MSI2: variants seen among roughly 807,000 people sequenced by gnomAD.
MSI2 encodes musashi RNA binding protein 2, also known as RNA-binding protein Musashi homolog 2.
Under a neutral mutation model 45.6 loss-of-function variants are expected in MSI2, and 17 were observed. The observed-to-expected ratio is 0.37, with a 90% CI of 0.26 to 0.56. The LOEUF (loss-of-function observed/expected upper bound fraction) is 0.56, where lower values mean the gene tolerates loss of function less well. Ranked by LOEUF, MSI2 falls within the 20% of genes least tolerant of loss-of-function variation. MSI2 has a pLI of 0.77. For missense variants in MSI2, 293 were observed against 444.2 expected (o/e 0.66, Z 3.06); for synonymous variants, 156 against 158.2 (o/e 0.99, Z 0.11).
chr17:57,317,152 A>C (rs1469430596), intron 5 of MSI2, among the ~76,000 whole-genome samples: 2 of 152,090 alleles, frequency 1.3e-5, no homozygotes, highest in African/African-American at 4.8e-5. Context: ...ATAGGTTGGA[A>C]GAAGCTTGAC....
At chr17:57,389,114 G>A (rs902182876) in intron 5 of MSI2, among the ~76,000 whole-genome samples, 1 of 150,750 alleles carries the variant, frequency 6.6e-6, no homozygotes, top group Non-Finnish European at 1.5e-5. Context: ...AAGTAGCTGG[G>A]ACCACGGGCA....
chr17:57,374,677 G>A (rs937379462), intron 5 of MSI2, among the ~76,000 whole-genome samples: 6 of 152,152 alleles, frequency 3.9e-5, no homozygotes, highest in African/African-American at 1.4e-4. Flanking sequence ...TACTCGGGAG[G>A]TTGAGGCAGG....
At chr17:57,319,895 C>T (rs1165885210) in intron 5 of MSI2, among the ~76,000 whole-genome samples, 1 of 152,198 alleles carries the variant, frequency 6.6e-6, no homozygotes, top group Non-Finnish European at 1.5e-5. Flanking sequence ...GTTATAGGCA[C>T]GAGCTACTGT....
intron 5 of MSI2, among the ~76,000 whole-genome samples, chr17:57,350,192 C>T (rs1915904054): frequency 6.6e-6 from 1 of 150,688 alleles, no homozygotes; most frequent in Non-Finnish European, 1.5e-5. Context: ...TGTTAATGCT[C>T]CAAAGCCTAT....
the MSI2 span, among the ~76,000 whole-genome samples, chr17:57,691,711 C>T: frequency 6.6e-6 from 1 of 152,024 alleles, no homozygotes; most frequent in Admixed American, 6.6e-5. Context: ...TGTTAAACTC[C>T]CTTATTAATT....
intron 6 of MSI2, among the ~76,000 whole-genome samples, chr17:57,525,525 C>T (rs1485150498): frequency 1.3e-5 from 2 of 152,114 alleles, no homozygotes; most frequent in African/African-American, 4.8e-5. Flanking sequence ...TGGCCTCAAG[C>T]GATTTTCCCA....
chr17:57,507,933 G>A (rs183634370), intron 6 of MSI2, among the ~76,000 whole-genome samples: 2 of 152,196 alleles, frequency 1.3e-5, no homozygotes, highest in Non-Finnish European at 2.9e-5. Flanking sequence ...GGTGTGAGCC[G>A]CCATGCCTGG....
chr17:57,621,201 T>G (rs1411278626), intron 9 of MSI2, among the ~76,000 whole-genome samples: 3 of 152,198 alleles, frequency 2.0e-5, no homozygotes, highest in Admixed American at 1.3e-4. Context: ...GGTCACCATC[T>G]CCACCGAGCA....
At chr17:57,631,966 T>C (rs1909416410) in intron 10 of MSI2, 1 of 1,451,784 alleles carries the variant, frequency 6.9e-7, no homozygotes, top group Non-Finnish European at 9.0e-7. Flanking sequence ...GAATGACTGT[T>C]CTTTTTCTCA....
intron 6 of MSI2, among the ~76,000 whole-genome samples, chr17:57,468,276 C>T (rs1306354503): frequency 1.3e-5 from 2 of 151,416 alleles, no homozygotes; most frequent in Non-Finnish European, 2.9e-5. Flanking sequence ...CCTGTAATCC[C>T]AGCACTTTGG....
At chr17:57,590,361 G>A (rs17761980) in intron 7 of MSI2, among the ~76,000 whole-genome samples, 60,432 of 152,056 alleles carry the variant, frequency 0.4, 12,215 homozygotes, top group Admixed American at 0.44. Context: ...CAGTGACTGC[G>A]TTTGGAGCAG....
chr17:57,666,246 T>G (rs751031362), intron 11 of MSI2, among the ~76,000 whole-genome samples: 1 of 152,232 alleles, frequency 6.6e-6, no homozygotes, highest in African/African-American at 2.4e-5. Flanking sequence ...CCAGATTTGG[T>G]CCTGTCTGAG....
At chr17:57,379,480 T>TC (rs2083560361) in intron 5 of MSI2, among the ~76,000 whole-genome samples, 1 of 151,096 alleles carries the variant, frequency 6.6e-6, no homozygotes, top group South Asian at 2.1e-4. Flanking sequence ...TTTTCTTTCT[T>TC]CTTTTTTTTT....
rs1390627539 is a variant in MSI2 at position 57,675,140 on chromosome 17, T to C, written c.945+14T>C. The C allele has an allele frequency of 6.2e-7, 1 of 1,607,692 alleles. No homozygotes were observed. On this transcript the variant is annotated intron_variant, in intron 12 of 13. Transcript: ENST00000284073. ...CACGGCATAGCTGTAAGTACCTGCC[T>C]TCCCCTGCCCTCCTGCCTCCTCCTT...
At chr17:57,420,225 G>A (rs2084370373) in intron 6 of MSI2, among the ~76,000 whole-genome samples, 1 of 152,210 alleles carries the variant, frequency 6.6e-6, no homozygotes, top group African/African-American at 2.4e-5. Flanking sequence ...CTCCAGCAAG[G>A]TAGACATGGG....
intron 5 of MSI2, among the ~76,000 whole-genome samples, chr17:57,283,567 G>T (rs1909607813): frequency 6.6e-6 from 1 of 152,130 alleles, no homozygotes; most frequent in African/African-American, 2.4e-5. Flanking sequence ...GAAGAGAGAG[G>T]ATGAGGAAAG....
chr17:57,449,873 A>C (rs1273801206), intron 6 of MSI2: 1 of 152,118 alleles, frequency 6.6e-6, no homozygotes, highest in Admixed American at 6.6e-5. Context: ...TAAAAGTACA[A>C]AAATTAGCTG....
chr17:57,351,673 T>A (rs1002538857), intron 5 of MSI2, among the ~76,000 whole-genome samples: 3 of 152,146 alleles, frequency 2.0e-5, no homozygotes, highest in Admixed American at 2.0e-4. Flanking sequence ...CTGGCCAACA[T>A]GGCGAAACCT....
chr17:57,581,169 C>T (rs564435121), intron 7 of MSI2, among the ~76,000 whole-genome samples: 47 of 152,062 alleles, frequency 3.1e-4, no homozygotes, highest in African/African-American at 1.1e-3. Flanking sequence ...TGTGCCACCA[C>T]GCCTGGCTAA....
Sources: allele counts gnomAD v4.1 joint callset (sites outside exome capture counted in the v4.1 genomes callset), GRCh38; gene constraint gnomAD v4.1.1; transcripts MANE v1.5; gene names NCBI Gene and HGNC (gene_info 2026-07-23, HGNC 2026-07-21).